Variants in DIPK2B observed in about 807,000 individuals in gnomAD.
DIPK2B encodes divergent protein kinase domain 2B, also known as UPF0672 protein CXorf36.
In DIPK2B, 15 loss-of-function variants were observed where a neutral mutation model predicts 22.2. The observed-to-expected ratio is 0.68, with a 90% CI of 0.45 to 1.04. The LOEUF is 1.04. DIPK2B is among the 50% of genes least tolerant of loss of function. The probability of loss-of-function intolerance (pLI) is 0.00; values close to 1 mark genes in which losing one functional copy is unlikely to be tolerated. For missense variants in DIPK2B, 345 were observed against 348.3 expected, an observed-to-expected ratio of 0.99 and a Z score of 0.08; for synonymous variants, 163 against 153.2, an observed-to-expected ratio of 1.06 and a Z score of -0.47.
At chrX:45,156,214 C>T (rs759683841) in intron 3 of DIPK2B, among the ~76,000 whole-genome samples, 1 of 110,232 alleles carries the variant, frequency 9.1e-6, no homozygotes, top group Non-Finnish European at 1.9e-5. Context: ...TCAGGTGACC[C>T]GCCCACCTCA....
intron 2 of DIPK2B, among the ~76,000 whole-genome samples, chrX:45,167,830 G>A (rs1226520185): frequency 9.0e-6 from 1 of 111,695 alleles, no homozygotes; most frequent in Non-Finnish European, 1.9e-5. Flanking sequence ...GATTACAGGC[G>A]TGTGCCACCA....
intron 2 of DIPK2B, among the ~76,000 whole-genome samples, chrX:45,166,328 G>A (rs995567993): frequency 1.8e-5 from 2 of 111,083 alleles, no homozygotes; most frequent in African/African-American, 6.6e-5. Flanking sequence ...TTTCCAGAGA[G>A]TGGGCTCATG....
intron 1 of DIPK2B, among the ~76,000 whole-genome samples, chrX:45,198,437 G>A (rs2047251539): frequency 9.0e-6 from 1 of 111,350 alleles, no homozygotes; most frequent in South Asian, 3.9e-4. Context: ...AATGTGCAGA[G>A]CTATAAACCC....
intron 1 of DIPK2B, among the ~76,000 whole-genome samples, chrX:45,198,864 G>A (rs2148353388): frequency 9.0e-6 from 1 of 111,581 alleles, no homozygotes; most frequent in South Asian, 3.8e-4. Context: ...TTGGTCAACA[G>A]GATGACTCTA....
At chrX:45,174,665 T>C (rs895821169) in intron 2 of DIPK2B, among the ~76,000 whole-genome samples, 1 of 110,462 alleles carries the variant, frequency 9.1e-6, no homozygotes, top group Non-Finnish European at 1.9e-5. Flanking sequence ...TTAAAGGCCA[T>C]GTCTGGTCTA....
intron 2 of DIPK2B, among the ~76,000 whole-genome samples, chrX:45,171,653 T>C (rs759490356): frequency 3.6e-5 from 4 of 111,971 alleles, no homozygotes; most frequent in Non-Finnish European, 7.5e-5. Context: ...AAATCTGTCA[T>C]TGACATTTCC....
intron 2 of DIPK2B, among the ~76,000 whole-genome samples, chrX:45,169,738 CCAAA>C (rs1163553578): frequency 1.8e-5 from 2 of 111,975 alleles, no homozygotes; most frequent in Non-Finnish European, 3.8e-5. Context: ...GTGTGGAGGG[CCAAA>C]CAAACAACAT....
intron 2 of DIPK2B, among the ~76,000 whole-genome samples, chrX:45,176,764 C>T (rs1207709341): frequency 8.9e-6 from 1 of 111,897 alleles, no homozygotes; most frequent in Non-Finnish European, 1.9e-5. Flanking sequence ...CTGGAGAAAT[C>T]ACCCTTTGTT....
rs1603091597 is a variant in DIPK2B at position 45,151,284 on chromosome X, T to G, written c.*368A>C. On this transcript the variant is annotated 3_prime_UTR_variant, in exon 5 of 5. Coordinates refer to ENST00000398000, the MANE Select transcript of DIPK2B (RefSeq NM_176819.4). ...TTCCAGAACACACTTTGTAACCACC[T>G]GGGATGGAGGTGGTGAGCATGTGTC... is the stretch of plus-strand genomic sequence containing the variant. 6.2e-6 allele frequency: 1 copy of G among 161,780 alleles called. No individual in the cohort carries two copies. Among genetic ancestry groups the G allele is most frequent in the East Asian group, 1.5e-4 (1 of 6,529 alleles). The allele number at this position is 161,780 out of a possible 1,213,427, so 13.3% of individuals were successfully genotyped here.
At chrX:45,154,526 C>T (rs1229044362) in intron 3 of DIPK2B, among the ~76,000 whole-genome samples, 1 of 110,939 alleles carries the variant, frequency 9.0e-6, no homozygotes, top group South Asian at 3.9e-4. Context: ...CATCCCTCCC[C>T]TTCCCCATTT....
At position 45,191,985 on chromosome X, in the gene DIPK2B, T is replaced by C; in HGVS notation, c.264A>G (p.Gly88=). 8.3e-7 allele frequency: 1 copy of C among 1,210,760 alleles called. No homozygotes were observed. The highest frequency in any genetic ancestry group is 1.1e-6 in the Non-Finnish European group (1 of 894,953). Reference sequence around the variant, plus strand: ...AAGAAAGCAAGGAATCGGGAGGCAGTCCAAGGTGGGAAGCCAGCCAGTTGT... The same window carrying C: ...AAGAAAGCAAGGAATCGGGAGGCAGCCCAAGGTGGGAAGCCAGCCAGTTGT... ...RSDNWLASHL[G]LPPDSLLSYP... Residue 88 remains glycine, a synonymous_variant, in exon 2 of 5, where the codon GGA becomes GGG. Coordinates refer to ENST00000398000, the MANE Select transcript of DIPK2B (RefSeq NM_176819.4).
chrX:45,161,048 G>C (rs1341515561), intron 2 of DIPK2B, among the ~76,000 whole-genome samples: 1 of 111,607 alleles, frequency 9.0e-6, no homozygotes, highest in African/African-American at 3.3e-5. Context: ...GTCCTTAAAG[G>C]GAGAGGATGT....
chrX:45,168,473 C>T (rs1408125979), intron 2 of DIPK2B, among the ~76,000 whole-genome samples: 2 of 112,454 alleles, frequency 1.8e-5, no homozygotes, highest in Non-Finnish European at 3.8e-5. Context: ...AAGCCTGTCT[C>T]GTAGGCCTAC....
chrX:45,177,024 A>AT, intron 2 of DIPK2B, among the ~76,000 whole-genome samples: 1 of 111,398 alleles, frequency 9.0e-6, no homozygotes, highest in Non-Finnish European at 1.9e-5. Flanking sequence ...TTGAAATGTG[A>AT]TCCCTGCCAG....
At chrX:45,177,957 G>T (rs1369596470) in intron 2 of DIPK2B, among the ~76,000 whole-genome samples, 1 of 111,844 alleles carries the variant, frequency 8.9e-6, no homozygotes, top group Non-Finnish European at 1.9e-5. Context: ...TTTACTTTAT[G>T]TCAGACATGT....
chrX:45,198,415 A>G (rs2047251429), intron 1 of DIPK2B, among the ~76,000 whole-genome samples: 1 of 111,488 alleles, frequency 9.0e-6, no homozygotes, highest in African/African-American at 3.3e-5. Context: ...TGTGCTGAGG[A>G]TGACCATTCT....
intron 2 of DIPK2B, among the ~76,000 whole-genome samples, chrX:45,161,332 A>C: frequency 8.9e-6 from 1 of 112,410 alleles, no homozygotes; most frequent in East Asian, 2.8e-4. Context: ...CCTTGAGTAC[A>C]GGAGTTCGAG....
intron 2 of DIPK2B, among the ~76,000 whole-genome samples, chrX:45,173,384 C>G (rs2047095150): frequency 9.1e-6 from 1 of 110,332 alleles, no homozygotes; most frequent in South Asian, 3.9e-4. Flanking sequence ...GGGTGAGGAG[C>G]TCTCCAGCAG....
At chrX:45,192,256 C>A (rs1487526230) in intron 1 of DIPK2B, among the ~76,000 whole-genome samples, 3 of 111,992 alleles carry the variant, frequency 2.7e-5, no homozygotes, top group African/African-American at 9.8e-5. Flanking sequence ...CTTCATACAA[C>A]TGGCACAGAA....
Sources: gnomAD v4.1 joint callset for allele counts (sites outside exome capture counted in the v4.1 genomes callset) on GRCh38, gnomAD v4.1.1 for gene constraint, MANE v1.5 for transcripts, NCBI Gene and HGNC (gene_info 2026-07-23, HGNC 2026-07-21) for gene names.